The following GRID1 variants were observed in gnomAD, a reference collection of about 807,000 sequenced individuals.
The protein encoded by GRID1 is glutamate receptor ionotropic, delta-1.
In GRID1, 28 loss-of-function variants were observed where a neutral mutation model predicts 98.0. The observed-to-expected ratio is 0.29, with a 90% CI of 0.21 to 0.39. The LOEUF (loss-of-function observed/expected upper bound fraction) is 0.39. GRID1 is among the 10% of genes least tolerant of loss of function. The pLI is 1.00. For missense variants in GRID1, 1,111 were observed against 1,340.5 expected, an observed-to-expected ratio of 0.83 and a Z score of 2.67; for synonymous variants, 553 against 538.5, an observed-to-expected ratio of 1.03 and a Z score of -0.37.
chr10:85,670,479 C>CTCAGAAAAAGGG (rs1275147929), intron 12 of GRID1, among the ~76,000 whole-genome samples: 1 of 152,088 alleles, frequency 6.6e-6, no homozygotes, highest in African/African-American at 2.4e-5. Flanking sequence ...AGAAAGATAC[C>CTCAGAAAAAGGG]TCAGAAAAAG....
chr10:85,706,699 T>A (rs1841523449), intron 12 of GRID1, among the ~76,000 whole-genome samples: 1 of 152,210 alleles, frequency 6.6e-6, no homozygotes, highest in Non-Finnish European at 1.5e-5. Flanking sequence ...TCATGCTACC[T>A]GACTTCAAAC....
At chr10:86,080,399 A>AGGGAAGGGG (rs1564668622) in intron 4 of GRID1, among the ~76,000 whole-genome samples, 1 of 25,090 alleles carries the variant, frequency 4.0e-5, no homozygotes, top group African/African-American at 1.3e-4. Context: ...AAGGGAAGGG[A>AGGGAAGGGG]AGGGAAGGGA....
chr10:85,983,093 G>A (rs904997979), intron 4 of GRID1, among the ~76,000 whole-genome samples: 1 of 152,162 alleles, frequency 6.6e-6, no homozygotes, highest in East Asian at 1.9e-4. Context: ...TGCCTGAGTG[G>A]AGAGCCAGCC....
chr10:86,354,391 G>A (rs938018508), intron 2 of GRID1, among the ~76,000 whole-genome samples: 3 of 152,220 alleles, frequency 2.0e-5, no homozygotes, highest in African/African-American at 7.2e-5. Flanking sequence ...CAACAAGAAC[G>A]AATGCCTGCT....
chr10:86,146,473 T>G (rs1299085034), intron 3 of GRID1, among the ~76,000 whole-genome samples: 1 of 152,188 alleles, frequency 6.6e-6, no homozygotes, highest in East Asian at 1.9e-4. Context: ...GGAGCAGGTA[T>G]GATGGCAGCA....
At chr10:85,664,998 C>T (rs377070998) in intron 12 of GRID1, among the ~76,000 whole-genome samples, 14 of 152,090 alleles carry the variant, frequency 9.2e-5, no homozygotes, top group Admixed American at 1.3e-4. Flanking sequence ...TATATTCACA[C>T]ACAGATTATA....
At chr10:86,020,065 C>T (rs961987987) in intron 4 of GRID1, among the ~76,000 whole-genome samples, 2 of 152,184 alleles carry the variant, frequency 1.3e-5, no homozygotes, top group Non-Finnish European at 2.9e-5. Flanking sequence ...CAATTTGTAC[C>T]CATTTATAAC....
rs557754904 is a variant in GRID1 at position 86,202,890 on chromosome 10, T to C, written c.520+3474A>G. On this transcript the variant is annotated intron_variant, in intron 3 of 15. Coordinates refer to ENST00000327946, the MANE Select transcript of GRID1 (RefSeq NM_017551.3). Reference sequence around the variant, plus strand: ...GACTGCATCAGCCTAGAGCATGCCATGTCCTTCCAAACTACCTCCCTCTTT... The same window carrying C: ...GACTGCATCAGCCTAGAGCATGCCACGTCCTTCCAAACTACCTCCCTCTTT... Among the ~76,000 whole-genome samples, 4 of 152,338 alleles carry C rather than the reference T, an allele frequency of 2.6e-5. No homozygotes were observed. In the East Asian group the frequency reaches 5.8e-4, roughly 22 times the overall value.
chr10:85,718,884 G>T (rs903643532), intron 12 of GRID1, among the ~76,000 whole-genome samples: 2 of 152,160 alleles, frequency 1.3e-5, no homozygotes, highest in African/African-American at 2.4e-5. Context: ...CTCAAAACAT[G>T]GGTGTTTCTT....
chr10:86,094,476 A>G (rs760641294), intron 4 of GRID1, among the ~76,000 whole-genome samples: 1 of 152,220 alleles, frequency 6.6e-6, no homozygotes, highest in Non-Finnish European at 1.5e-5. Context: ...AGCTCCTAGA[A>G]CTGATAAAAG....
intron 8 of GRID1, among the ~76,000 whole-genome samples, chr10:85,763,698 C>T (rs1413841462): frequency 3.9e-5 from 6 of 152,202 alleles, no homozygotes; most frequent in Admixed American, 1.3e-4. Flanking sequence ...GCAGTGTCCT[C>T]TGCATTTGTT....
chr10:85,811,511 T>C (rs1490993070), intron 8 of GRID1, among the ~76,000 whole-genome samples: 2 of 152,066 alleles, frequency 1.3e-5, no homozygotes, highest in Non-Finnish European at 2.9e-5. Flanking sequence ...GATATTATTT[T>C]TAAAAAGAAC....
intron 12 of GRID1, among the ~76,000 whole-genome samples, chr10:85,715,643 T>C (rs1238279123): frequency 6.6e-6 from 1 of 151,966 alleles, no homozygotes; most frequent in African/African-American, 2.4e-5. Flanking sequence ...GAAATACAAA[T>C]GAAAACTACA....
chr10:85,851,076 G>A (rs1160625267), intron 8 of GRID1, among the ~76,000 whole-genome samples: 1 of 152,138 alleles, frequency 6.6e-6, no homozygotes, highest in Non-Finnish European at 1.5e-5. Context: ...ACATGGACAC[G>A]TTCATGGAAT....
At chr10:86,215,199 G>A (rs1846157537) in intron 2 of GRID1, among the ~76,000 whole-genome samples, 1 of 152,162 alleles carries the variant, frequency 6.6e-6, no homozygotes, top group Non-Finnish European at 1.5e-5. Context: ...CAGCCTCTCT[G>A]GCCTCAAGCT....
chr10:86,204,517 C>A (rs1845998300), intron 3 of GRID1, among the ~76,000 whole-genome samples: 1 of 152,200 alleles, frequency 6.6e-6, no homozygotes, highest in Non-Finnish European at 1.5e-5. Context: ...TCAGGGACAC[C>A]TTTCTTTGAG....
intron 8 of GRID1, among the ~76,000 whole-genome samples, chr10:85,802,016 T>C (rs1842581040): frequency 6.6e-6 from 1 of 152,044 alleles, no homozygotes; most frequent in African/African-American, 2.4e-5. Flanking sequence ...AAGGACAGCA[T>C]TTACAATAGC....
intron 2 of GRID1, among the ~76,000 whole-genome samples, chr10:86,258,342 G>A (rs1484811241): frequency 6.6e-6 from 1 of 152,038 alleles, no homozygotes; most frequent in African/African-American, 2.4e-5. Flanking sequence ...AAACAAAATT[G>A]GTATTGCCAA....
chr10:86,292,462 G>T (rs571527750), intron 2 of GRID1, among the ~76,000 whole-genome samples: 2 of 152,246 alleles, frequency 1.3e-5, no homozygotes, highest in Non-Finnish European at 2.9e-5. Flanking sequence ...TTCTCAGGAA[G>T]AGCAGCTCCT....
Sources: gnomAD v4.1 joint callset for allele counts (sites outside exome capture counted in the v4.1 genomes callset) on GRCh38, gnomAD v4.1.1 for gene constraint, MANE v1.5 for transcripts, NCBI Gene and HGNC (gene_info 2026-07-23, HGNC 2026-07-21) for gene names.